The following MCU variants were observed in gnomAD, a reference collection of about 807,000 sequenced individuals.
The protein encoded by MCU is calcium uniporter protein, mitochondrial.
In MCU, 12 loss-of-function variants were observed where a neutral mutation model predicts 45.2. That is an observed-to-expected ratio of 0.27 (90% CI 0.17 to 0.43). The LOEUF (loss-of-function observed/expected upper bound fraction) is 0.43. Ranked by LOEUF, MCU falls within the 20% of genes least tolerant of loss-of-function variation. MCU has a pLI of 1.00. For synonymous variants in MCU, 160 were observed against 165.1 expected, an observed-to-expected ratio of 0.97 and a Z score of 0.24; for missense variants, 324 against 436.7, an observed-to-expected ratio of 0.74 and a Z score of 2.30.
At chr10:72,801,436 G>GTT (rs1460445337) in intron 1 of MCU, among the ~76,000 whole-genome samples, 1 of 144,038 alleles carries the variant, frequency 6.9e-6, no homozygotes, top group Admixed American at 7.1e-5. Context: ...TGTAGTGAAT[G>GTT]TAAGTGCCAG....
intron 1 of MCU, among the ~76,000 whole-genome samples, chr10:72,693,253 T>C (rs551257669): frequency 1.0e-3 from 152 of 152,170 alleles, no homozygotes; most frequent in African/African-American, 3.1e-3. Flanking sequence ...TTGCAAGAGA[T>C]GAATTTGGCA....
At chr10:72,872,449 C>T (rs1043985882) in intron 6 of MCU, among the ~76,000 whole-genome samples, 1 of 152,152 alleles carries the variant, frequency 6.6e-6, no homozygotes, top group Non-Finnish European at 1.5e-5. Flanking sequence ...CTCCTCTCTA[C>T]TTCTGTGGGT....
At chr10:72,872,443 T>C (rs1304946360) in intron 6 of MCU, among the ~76,000 whole-genome samples, 4 of 152,192 alleles carry the variant, frequency 2.6e-5, no homozygotes, top group Admixed American at 2.6e-4. Context: ...ATTATTCTCC[T>C]CTCTACTTCT....
At chr10:72,849,511 A>G (rs1467822792) in intron 2 of MCU, among the ~76,000 whole-genome samples, 1 of 152,150 alleles carries the variant, frequency 6.6e-6, no homozygotes, top group African/African-American at 2.4e-5. Context: ...CTAGCAGACA[A>G]TTGAATATAG....
In MCU at chr10:72,860,564, G is replaced by C. The variant is rs367990238; in HGVS notation, c.496+37G>C. ...ACCTTGGTAAGGTCACAGAAATGTG[G>C]GAAGGGCTTTTGGAAATAACTTTAT... On this transcript the variant is annotated intron_variant, in intron 4 of 7. Coordinates refer to ENST00000373053, the MANE Select transcript of MCU (RefSeq NM_138357.3). 1.0e-5 allele frequency: 15 copies of C among 1,503,954 alleles called. No homozygotes were observed. In the African/African-American group the frequency reaches 2.1e-4, roughly 21 times the overall value. 93.2% of individuals were successfully genotyped at this position (1,503,954 alleles called of 1,614,324 possible).
chr10:72,827,016 C>T (rs1469460658), intron 1 of MCU, among the ~76,000 whole-genome samples: 1 of 152,010 alleles, frequency 6.6e-6, no homozygotes, highest in Non-Finnish European at 1.5e-5. Flanking sequence ...TAAACTTTAT[C>T]CATAGGTATG....
At chr10:72,854,981 C>T (rs1170317676) in intron 2 of MCU, among the ~76,000 whole-genome samples, 1 of 152,152 alleles carries the variant, frequency 6.6e-6, no homozygotes, top group African/African-American at 2.4e-5. Context: ...GTGGCTTACG[C>T]CTGTAATCCC....
chr10:72,832,296 CGTAT>C (rs1844889962), intron 1 of MCU, among the ~76,000 whole-genome samples: 1 of 152,042 alleles, frequency 6.6e-6, no homozygotes, highest in African/African-American at 2.4e-5. Flanking sequence ...TAAGAGATTA[CGTAT>C]GTATGTTATA....
intron 1 of MCU, among the ~76,000 whole-genome samples, chr10:72,694,447 A>C (rs1842662473): frequency 6.6e-6 from 1 of 152,212 alleles, no homozygotes. Flanking sequence ...ATGCTCCTTT[A>C]CATCTCTCTC....
At chr10:72,859,074 T>C in intron 2 of MCU, 103 bp from the exon 3 acceptor site, 1 of 1,139,986 alleles carries the variant, frequency 8.8e-7, no homozygotes, top group Non-Finnish European at 1.2e-6. Context: ...GAAAACATTT[T>C]AAATCACACT....
At chr10:72,716,705 G>A (rs927282823) in intron 1 of MCU, among the ~76,000 whole-genome samples, 2 of 151,200 alleles carry the variant, frequency 1.3e-5, no homozygotes, top group African/African-American at 4.9e-5. Flanking sequence ...GCAATATAGT[G>A]AGGCCCCATT....
intron 2 of MCU, among the ~76,000 whole-genome samples, chr10:72,858,856 T>C (rs191755356): frequency 6.6e-6 from 1 of 152,332 alleles, no homozygotes; most frequent in East Asian, 1.9e-4. Flanking sequence ...AAAATCTTGC[T>C]AAATGGAACC....
chr10:72,760,323 T>A (rs1843637114), intron 1 of MCU, among the ~76,000 whole-genome samples: 1 of 149,762 alleles, frequency 6.7e-6, no homozygotes, highest in Non-Finnish European at 1.5e-5. Context: ...AGTATGGGGA[T>A]TACAGGTGTG....
intron 1 of MCU, among the ~76,000 whole-genome samples, chr10:72,827,103 A>G (rs1450226183): frequency 1.3e-5 from 2 of 152,206 alleles, no homozygotes; most frequent in Admixed American, 6.5e-5. Context: ...CATATCCCTC[A>G]CAGATAACGG....
chr10:72,834,448 C>T lies in MCU; in HGVS notation c.220+20C>T. 6.3e-7 allele frequency: 1 copy of T among 1,596,516 alleles called. No individual in the cohort carries two copies. Among genetic ancestry groups the T allele is most frequent in the East Asian group, 2.2e-5 (1 of 44,734 alleles). The stretch of plus-strand genomic sequence containing the variant: ...CTGATGGTGAGTTTCAGCAAATCCA[C>T]CTTTTATGTCTAATATTATTTCCTT... On this transcript the variant is annotated intron_variant, in intron 2 of 7. Coordinates refer to ENST00000373053, the MANE Select transcript of MCU (RefSeq NM_138357.3).
intron 4 of MCU, among the ~76,000 whole-genome samples, chr10:72,867,116 A>G (rs1845469154): frequency 1.3e-5 from 2 of 150,406 alleles, no homozygotes; most frequent in African/African-American, 2.5e-5. Flanking sequence ...TCTCTAATCC[A>G]ATTTGCTACC....
intron 2 of MCU, among the ~76,000 whole-genome samples, chr10:72,844,192 GC>G (rs1845086364): frequency 2.0e-5 from 3 of 152,152 alleles, no homozygotes; most frequent in Non-Finnish European, 2.9e-5. Flanking sequence ...TTCGAGACCA[GC>G]CTGGCCAACA....
intron 1 of MCU, among the ~76,000 whole-genome samples, chr10:72,746,385 T>C (rs1843415079): frequency 6.6e-6 from 1 of 152,348 alleles, no homozygotes; most frequent in Admixed American, 6.5e-5. Context: ...CAAAGATTTT[T>C]CGTACAGGCG....
At chr10:72,820,186 G>A (rs1022242029) in intron 1 of MCU, among the ~76,000 whole-genome samples, 1 of 152,206 alleles carries the variant, frequency 6.6e-6, no homozygotes, top group South Asian at 2.1e-4. Flanking sequence ...CATGCCTTGT[G>A]TTTTTGTCAT....
Sources: allele counts gnomAD v4.1 joint callset (sites outside exome capture counted in the v4.1 genomes callset), GRCh38; gene constraint gnomAD v4.1.1; transcripts MANE v1.5; gene names NCBI Gene and HGNC (gene_info 2026-07-23, HGNC 2026-07-21).